NRXN3: variants seen among roughly 807,000 people sequenced by gnomAD.
The protein encoded by NRXN3 is neurexin III.
In NRXN3, 32 loss-of-function variants were observed where a neutral mutation model predicts 137.6. The ratio of observed to expected loss-of-function variants is 0.23; its 90% CI spans 0.18 to 0.31. The LOEUF (loss-of-function observed/expected upper bound fraction) is 0.31. NRXN3 is among the 10% of genes least tolerant of loss of function. NRXN3 has a pLI of 1.00. For synonymous variants in NRXN3, 798 were observed against 784.5 expected (o/e 1.02, Z -0.29); for missense variants, 1,574 against 2,062.5 (o/e 0.76, Z 4.59).
rs1001518567 is a variant in NRXN3, at chr14:79,697,506, C to T, written c.3707-124C>T. On this transcript the variant is annotated intron_variant, in intron 18 of 20. Coordinates refer to ENST00000335750, the MANE Select transcript of NRXN3 (RefSeq NM_001330195.2). Reference sequence around the variant, plus strand: ...AACGTCAGTACTGAGGTTTTGTTGTCTATTTTTTCCTCCCCTTCAATTGCT... The same window carrying T: ...AACGTCAGTACTGAGGTTTTGTTGTTTATTTTTTCCTCCCCTTCAATTGCT... The T allele has an allele frequency of 4.9e-5, 46 of 940,376 alleles. No individual in the cohort carries two copies. The African/African-American group carries it at 7.4e-4, about 15-fold the overall frequency. The allele number at this position is 940,376 out of a possible 1,614,324, so 58.3% of individuals were successfully genotyped here.
chr14:79,817,052 GC>G (rs775055280), intron 20 of NRXN3, among the ~76,000 whole-genome samples: 4 of 151,950 alleles, frequency 2.6e-5, no homozygotes, highest in Non-Finnish European at 4.4e-5. Flanking sequence ...AAGTTTAGTT[GC>G]CCCCATAATT....
At chr14:79,625,493 T>G (rs1416591531) in intron 16 of NRXN3, among the ~76,000 whole-genome samples, 1 of 152,196 alleles carries the variant, frequency 6.6e-6, no homozygotes, top group Non-Finnish European at 1.5e-5. Context: ...CTAGATAATA[T>G]GGTAGTTCTA....
At chr14:79,754,206 G>C (rs2099009485) in intron 19 of NRXN3, among the ~76,000 whole-genome samples, 1 of 151,806 alleles carries the variant, frequency 6.6e-6, no homozygotes, top group South Asian at 2.1e-4. Flanking sequence ...TTCAGGTGTG[G>C]TGGCACATGG....
chr14:78,513,340 C>T (rs12892152), intron 4 of NRXN3, among the ~76,000 whole-genome samples: 8,330 of 152,122 alleles, frequency 0.055, 302 homozygotes, highest in African/African-American at 0.093. Context: ...TTTTCTTATT[C>T]CCTTTGATCT....
Position 79,407,032 on chromosome 14 carries a change from C to T in NRXN3, c.3263-60189C>T, listed in dbSNP as rs111882405. On this transcript the variant is annotated intron_variant, in intron 15 of 20. Transcript: ENST00000335750. ...AGTTTGAGCCTTGAATGTAGACGAT[C>T]AGGGATGCTATATCACAGCTGTCTC... is the stretch of plus-strand genomic sequence containing the variant. Among the ~76,000 whole-genome samples the T allele has an allele frequency of 4.7e-4, 72 of 152,102 alleles. 1 individual carries two copies. The highest frequency in any genetic ancestry group is 9.0e-4 in the Non-Finnish European group (61 of 68,008).
At chr14:79,756,938 TG>T (rs780312378) in intron 19 of NRXN3, among the ~76,000 whole-genome samples, 13 of 152,304 alleles carry the variant, frequency 8.5e-5, no homozygotes, top group African/African-American at 2.4e-4. Flanking sequence ...GCAGATGTTT[TG>T]TGCCTCTGCT....
intron 8 of NRXN3, among the ~76,000 whole-genome samples, chr14:78,730,858 T>G (rs1301249009): frequency 6.6e-6 from 1 of 152,232 alleles, no homozygotes; most frequent in Non-Finnish European, 1.5e-5. Context: ...AGCCCCTCTC[T>G]GTCTAACATT....
chr14:79,573,928 C>T (rs569567163), intron 16 of NRXN3, among the ~76,000 whole-genome samples: 1 of 151,942 alleles, frequency 6.6e-6, no homozygotes, highest in South Asian at 2.1e-4. Context: ...CAATAAAAGA[C>T]AATAATAATG....
chr14:79,443,503 G>C (rs1383614733), intron 15 of NRXN3, among the ~76,000 whole-genome samples: 5 of 152,158 alleles, frequency 3.3e-5, no homozygotes, highest in Non-Finnish European at 7.3e-5. Context: ...ACTACGTCTT[G>C]CAGGATGTGG....
chr14:78,896,931 A>G (rs761525244), intron 10 of NRXN3, among the ~76,000 whole-genome samples: 5 of 151,896 alleles, frequency 3.3e-5, no homozygotes, highest in Non-Finnish European at 7.4e-5. Flanking sequence ...GTGGGTAACC[A>G]TTCATGGCTT....
intron 4 of NRXN3, among the ~76,000 whole-genome samples, chr14:78,380,342 C>A (rs1268474130): frequency 1.4e-5 from 2 of 144,784 alleles, no homozygotes; most frequent in African/African-American, 2.5e-5. Context: ...GTGTTTACAT[C>A]TTAATCCCTG....
chr14:78,777,660 A>T (rs1201012742), intron 8 of NRXN3, among the ~76,000 whole-genome samples: 1 of 152,228 alleles, frequency 6.6e-6, no homozygotes, highest in Non-Finnish European at 1.5e-5. Context: ...CTGGTCAAAC[A>T]ATGGCAACCC....
At chr14:79,340,966 G>A (rs1163399725) in intron 15 of NRXN3, among the ~76,000 whole-genome samples, 2 of 152,108 alleles carry the variant, frequency 1.3e-5, no homozygotes, top group African/African-American at 4.8e-5. Flanking sequence ...GTAAAAATGA[G>A]GTATAATGGC....
At chr14:79,356,564 A>G (rs1036420241) in intron 15 of NRXN3, among the ~76,000 whole-genome samples, 8 of 152,160 alleles carry the variant, frequency 5.3e-5, no homozygotes, top group African/African-American at 1.9e-4. Flanking sequence ...AACACTATTA[A>G]TAGGAACAAA....
At chr14:79,130,412 G>A (rs1421228673) in intron 15 of NRXN3, among the ~76,000 whole-genome samples, 6 of 152,010 alleles carry the variant, frequency 3.9e-5, no homozygotes, top group East Asian at 3.9e-4. Flanking sequence ...TGTCTGTAAC[G>A]TATTTTATTT....
intron 1 of NRXN3, among the ~76,000 whole-genome samples, chr14:78,235,972 T>C (rs2066241821): frequency 6.6e-6 from 1 of 152,184 alleles, no homozygotes; most frequent in Admixed American, 6.5e-5. Flanking sequence ...AGAAGAGAGG[T>C]TGGTTTTGAC....
rs540354579 is a variant in NRXN3 at position 78,728,803 on chromosome 14, G to A, written c.2044+13664G>A. Among the ~76,000 whole-genome samples, 9 of 152,316 alleles carry A rather than the reference G, an allele frequency of 5.9e-5. No individual in the cohort carries two copies. The South Asian group carries it at 1.9e-3, about 32-fold the overall frequency. On this transcript the variant is annotated intron_variant, in intron 8 of 20. Transcript: ENST00000335750. Reference sequence around the variant, plus strand: ...TAATCCCACTTCTCAGGAGGCTGAGGCAGGAGAATCGCATGAACCCAGGAG... The same window carrying A: ...TAATCCCACTTCTCAGGAGGCTGAGACAGGAGAATCGCATGAACCCAGGAG...
At chr14:79,851,871 T>A (rs568331931) in intron 20 of NRXN3, among the ~76,000 whole-genome samples, 14 of 152,264 alleles carry the variant, frequency 9.2e-5, no homozygotes, top group African/African-American at 3.1e-4. Flanking sequence ...TGGCATAGTT[T>A]TCCTCAAAGC....
chr14:79,385,096 C>T (rs1012896542), intron 15 of NRXN3, among the ~76,000 whole-genome samples: 2 of 151,548 alleles, frequency 1.3e-5, no homozygotes, highest in Non-Finnish European at 2.9e-5. Flanking sequence ...TTTTAGGGTA[C>T]ATGTGCACAT....
Sources: gnomAD v4.1 joint callset for allele counts (sites outside exome capture counted in the v4.1 genomes callset) on GRCh38, gnomAD v4.1.1 for gene constraint, MANE v1.5 for transcripts, NCBI Gene and HGNC (gene_info 2026-07-23, HGNC 2026-07-21) for gene names.